CLNK: variants seen among roughly 807,000 people sequenced by gnomAD.
CLNK encodes the protein cytokine dependent hematopoietic cell linker.
In CLNK, 74 loss-of-function variants were observed where a neutral mutation model predicts 68.6. That is an observed-to-expected ratio of 1.08 (90% CI 0.89 to 1.31). CLNK has a LOEUF of 1.31. Ranked by LOEUF, CLNK falls within the 50% of genes most tolerant of loss-of-function variation. CLNK has a pLI of 0.00. For synonymous variants in CLNK, 198 were observed against 172.2 expected (o/e 1.15, Z -1.17); for missense variants, 553 against 515.3 (o/e 1.07, Z -0.71).
At chr4:10,657,600 G>T (rs1724034576) in intron 2 of CLNK, among the ~76,000 whole-genome samples, 1 of 152,202 alleles carries the variant, frequency 6.6e-6, no homozygotes, top group Non-Finnish European at 1.5e-5. Flanking sequence ...AAAATCTACA[G>T]AAGATGAACT....
chr4:10,615,181 T>C (rs1257420776), intron 2 of CLNK, among the ~76,000 whole-genome samples: 2 of 151,770 alleles, frequency 1.3e-5, no homozygotes, highest in African/African-American at 4.8e-5. Flanking sequence ...GGTGAGACTC[T>C]TAAAAAACAA....
chr4:10,540,338 A>T (rs1718962956), intron 11 of CLNK, among the ~76,000 whole-genome samples, 156 bp downstream of exon 11: 1 of 152,030 alleles, frequency 6.6e-6, no homozygotes, highest in Non-Finnish European at 1.5e-5. Context: ...TTTCTTTATA[A>T]ATTACCCAGT....
intron 2 of CLNK, among the ~76,000 whole-genome samples, chr4:10,613,643 A>T (rs1722118497): frequency 6.6e-6 from 1 of 152,146 alleles, no homozygotes; most frequent in Admixed American, 6.5e-5. Flanking sequence ...TAGGTATGTC[A>T]TTGAGGGATA....
the CLNK span, among the ~76,000 whole-genome samples, chr4:10,695,621 G>C: frequency 2.0e-5 from 3 of 152,142 alleles, no homozygotes; most frequent in Non-Finnish European, 4.4e-5. Flanking sequence ...ATGAGAAGGG[G>C]GATGAAACCC....
chr4:10,719,986 G>A, the CLNK span, among the ~76,000 whole-genome samples: 2 of 150,094 alleles, frequency 1.3e-5, no homozygotes, highest in South Asian at 4.2e-4. Flanking sequence ...CGTGGAAATT[G>A]AAAAAAAAAT....
At chr4:10,659,402 T>C (rs1421041883) in intron 2 of CLNK, among the ~76,000 whole-genome samples, 1 of 152,186 alleles carries the variant, frequency 6.6e-6, no homozygotes, top group Admixed American at 6.5e-5. Flanking sequence ...TTTCATTTAA[T>C]AAAGAAAATG....
intron 1 of CLNK, among the ~76,000 whole-genome samples, chr4:10,683,167 C>T (rs1475197777): frequency 6.6e-6 from 1 of 152,090 alleles, no homozygotes; most frequent in Non-Finnish European, 1.5e-5. Flanking sequence ...GAAACAACAT[C>T]CCTGGTCCAA....
At chr4:10,615,499 G>A (rs781408880) in intron 2 of CLNK, among the ~76,000 whole-genome samples, 2 of 151,924 alleles carry the variant, frequency 1.3e-5, no homozygotes, top group Non-Finnish European at 2.9e-5. Context: ...CCTGGGCAAC[G>A]GAGTAAGACT....
chr4:10,617,336 A>G (rs1038860360), intron 2 of CLNK, among the ~76,000 whole-genome samples: 41 of 152,214 alleles, frequency 2.7e-4, no homozygotes, highest in African/African-American at 9.2e-4. Context: ...ACTGGAGATG[A>G]TCCAAGTTCA....
intron 2 of CLNK, among the ~76,000 whole-genome samples, chr4:10,644,260 G>A (rs1723425492): frequency 6.6e-6 from 1 of 152,214 alleles, no homozygotes; most frequent in South Asian, 2.1e-4. Flanking sequence ...AGCTTTGCTT[G>A]TCTTGGTTAT....
intron 18 of CLNK, 70 bp from the exon 19 acceptor site, chr4:10,490,683 A>G: frequency 1.5e-6 from 2 of 1,313,922 alleles, no homozygotes; most frequent in Non-Finnish European, 2.1e-6. Context: ...AGTATAGCCA[A>G]GGTGCTTCAT....
At chr4:10,672,897 T>C (rs1488868982) in intron 1 of CLNK, among the ~76,000 whole-genome samples, 1 of 152,204 alleles carries the variant, frequency 6.6e-6, no homozygotes, top group African/African-American at 2.4e-5. Flanking sequence ...AATAATCACA[T>C]GTTCATTCAC....
chr4:10,587,948 G>A lies in CLNK; in HGVS notation c.84-2993C>T, dbSNP rs189462429. Among the ~76,000 whole-genome samples the A allele has an allele frequency of 2.6e-5, 4 of 152,330 alleles. No individual in the cohort carries two copies. The East Asian group carries it at 7.7e-4, about 29-fold the overall frequency. ...GCTGCCGGAGGTTCTGCAGAAATTA[G>A]CAGTAAATCAGCTGGTGAGGAGCAA... On this transcript the variant is annotated intron_variant, in intron 3 of 18. Transcript: ENST00000226951.
At chr4:10,509,029 C>A (rs547765985) in intron 16 of CLNK, among the ~76,000 whole-genome samples, 2 of 147,318 alleles carry the variant, frequency 1.4e-5, no homozygotes, top group South Asian at 2.1e-4. Flanking sequence ...ATCGCTTGAA[C>A]CTGGGAGGCG....
At chr4:10,505,524 T>C (rs557622578) in intron 17 of CLNK, among the ~76,000 whole-genome samples, 1 of 152,336 alleles carries the variant, frequency 6.6e-6, no homozygotes, top group South Asian at 2.1e-4. Flanking sequence ...CGTATTCTCT[T>C]ATAGTTCTGG....
chr4:10,677,359 T>C (rs1724915380), intron 1 of CLNK, among the ~76,000 whole-genome samples: 3 of 152,146 alleles, frequency 2.0e-5, no homozygotes, highest in Admixed American at 6.6e-5. Context: ...AGCTGTTTTA[T>C]GATCAGGAGA....
intron 2 of CLNK, among the ~76,000 whole-genome samples, chr4:10,604,240 C>G (rs1721704745): frequency 6.6e-6 from 1 of 152,102 alleles, no homozygotes; most frequent in Admixed American, 6.5e-5. Context: ...TCAAGAAGGG[C>G]AATTGGTAAT....
At chr4:10,710,427 C>T in the CLNK span, among the ~76,000 whole-genome samples, 1 of 152,168 alleles carries the variant, frequency 6.6e-6, no homozygotes, top group Non-Finnish European at 1.5e-5. Flanking sequence ...GGGTACCAGC[C>T]TTTCTGAGTT....
chr4:10,625,292 A>C (rs1722623685), intron 2 of CLNK, among the ~76,000 whole-genome samples: 1 of 152,128 alleles, frequency 6.6e-6, no homozygotes, highest in Non-Finnish European at 1.5e-5. Context: ...CTGCAGAGGG[A>C]GGTGTTTGGC....
Sources: gnomAD v4.1 joint callset for allele counts (sites outside exome capture counted in the v4.1 genomes callset) on GRCh38, gnomAD v4.1.1 for gene constraint, MANE v1.5 for transcripts, NCBI Gene and HGNC (gene_info 2026-07-23, HGNC 2026-07-21) for gene names.